Variants in ADAMTS18 observed in about 807,000 individuals in gnomAD.
ADAMTS18 encodes the protein A disintegrin and metalloproteinase with thrombospondin motifs 18.
ADAMTS18 carries 157 observed loss-of-function variants against 165.9 expected under a neutral mutation model. The observed-to-expected ratio is 0.95, with a 90% confidence interval of 0.83 to 1.08. The LOEUF (loss-of-function observed/expected upper bound fraction) is 1.08, where lower values mean the gene tolerates loss of function less well. ADAMTS18 is among the 50% of genes least tolerant of loss of function. The pLI, the probability that ADAMTS18 is intolerant of heterozygous loss-of-function variation, is 0.00. For synonymous variants in ADAMTS18, 782 were observed against 578.2 expected (o/e 1.35, Z -5.06); for missense variants, 2,040 against 1,534.0 (o/e 1.33, Z -5.51).
intron 3 of ADAMTS18, among the ~76,000 whole-genome samples, chr16:77,378,364 A>C (rs76150124): frequency 0.091 from 13,404 of 147,918 alleles, 783 homozygotes; most frequent in East Asian, 0.25. Context: ...AAAAAAAAAA[A>C]CCAAGCCCTT....
intron 19 of ADAMTS18, 120 bp from the exon 20 acceptor site, chr16:77,293,378 G>C: frequency 1.1e-6 from 1 of 901,224 alleles, no homozygotes; most frequent in South Asian, 1.5e-5. Flanking sequence ...ATGAACTAAA[G>C]CTCTTTTTAC....
chr16:77,322,281 G>A lies in ADAMTS18; in HGVS notation c.2163+55C>T, dbSNP rs1455438218. On this transcript the variant is annotated intron_variant, in intron 14 of 22. Coordinates refer to ENST00000282849, the MANE Select transcript of ADAMTS18 (RefSeq NM_199355.4). ...TCACACCACTGTTCACGGTACACAC[G>A]ATATGATAAAACACAAGCATGCTCA... 6.3e-6 allele frequency: 10 copies of A among 1,585,132 alleles called. No homozygotes were observed. In the East Asian group the frequency reaches 7.0e-5, roughly 11 times the overall value.
rs563242090 is a variant in ADAMTS18, at chr16:77,283,653, C to A, written c.*303G>T. 5.3e-5 allele frequency: 18 copies of A among 341,824 alleles called. No homozygotes were observed. Among genetic ancestry groups the A allele is most frequent in the Middle Eastern group, 9.3e-4 (1 of 1,076 alleles). 21.2% of individuals were successfully genotyped at this position (341,824 alleles called of 1,614,324 possible). ...TGAAGTTCAAAAGGGGGTCTCTCCC[C>A]AAATCGACGTATCTCAGTGTGATTC... On this transcript the variant is annotated 3_prime_UTR_variant, in exon 23 of 23. Coordinates refer to ENST00000282849, the MANE Select transcript of ADAMTS18 (RefSeq NM_199355.4).
At chr16:77,296,646 C>T (rs1375077549) in intron 18 of ADAMTS18, among the ~76,000 whole-genome samples, 1 of 152,216 alleles carries the variant, frequency 6.6e-6, no homozygotes, top group Non-Finnish European at 1.5e-5. Flanking sequence ...ATGGCAAAAC[C>T]CCGTCTCTAC....
intron 3 of ADAMTS18, among the ~76,000 whole-genome samples, chr16:77,429,212 G>A (rs150430214): frequency 3.2e-3 from 480 of 152,286 alleles, no homozygotes; most frequent in African/African-American, 0.011. Context: ...CAGAGTGGAT[G>A]AAGAAAATGT....
chr16:77,323,193 A>G (rs780338328), intron 13 of ADAMTS18, among the ~76,000 whole-genome samples: 15 of 152,162 alleles, frequency 9.9e-5, no homozygotes, highest in Non-Finnish European at 1.6e-4. Flanking sequence ...TCTCAAATAG[A>G]AAGAGCTCTT....
intron 3 of ADAMTS18, among the ~76,000 whole-genome samples, chr16:77,401,792 G>C (rs986044912): frequency 3.3e-5 from 5 of 152,098 alleles, no homozygotes; most frequent in African/African-American, 1.2e-4. Flanking sequence ...GAAGAGGAAG[G>C]ATGAATTTGA....
rs150089180 is a variant in ADAMTS18 at position 77,295,255 on chromosome 16, T to C, written c.2802-128A>G. ...ATTTCAGAACCAATAAGATAAGTTATTCTAATTGTTCTTTGAGGGATCCAG... is the reference window on the plus strand; with the variant it reads ...ATTTCAGAACCAATAAGATAAGTTACTCTAATTGTTCTTTGAGGGATCCAG... On this transcript the variant is annotated intron_variant, in intron 18 of 22. Transcript: ENST00000282849. 7.2e-3 allele frequency: 6,703 copies of C among 935,234 alleles called. 45 individuals carry two copies. The highest frequency in any genetic ancestry group is 0.01 in the Non-Finnish European group (6,199 of 596,258). The allele number at this position is 935,234 out of a possible 1,614,324, so 57.9% of individuals were successfully genotyped here.
At chr16:77,334,799 ATACTATAG>A (rs2056275759) in intron 12 of ADAMTS18, among the ~76,000 whole-genome samples, 2 of 122,776 alleles carry the variant, frequency 1.6e-5, no homozygotes, top group Admixed American at 1.8e-4. Flanking sequence ...AATATACTAT[ATACTATAG>A]TATACAGTAT....
rs573986809 is a variant in ADAMTS18, at chr16:77,416,338, T to C, written c.495+14957A>G. Among the ~76,000 whole-genome samples, 27 of 152,172 alleles carry C rather than the reference T, an allele frequency of 1.8e-4. No individual in the cohort carries two copies. The East Asian group carries it at 4.3e-3, about 24-fold the overall frequency. ...ATCCAAGGGACTTTGTAGGCCATGG[T>C]AAGAAATCTGGATTATATACTGATA... On this transcript the variant is annotated intron_variant, in intron 3 of 22. Transcript: ENST00000282849.
At chr16:77,359,192 C>T (rs543142071) in intron 8 of ADAMTS18, 126 bp downstream of exon 8, 2 of 862,344 alleles carry the variant, frequency 2.3e-6, no homozygotes, top group Non-Finnish European at 3.8e-6. Context: ...TAGTCAGAAA[C>T]TATTCTAAGC....
chr16:77,304,617 C>T (rs905882394), intron 16 of ADAMTS18, among the ~76,000 whole-genome samples: 13 of 152,108 alleles, frequency 8.5e-5, no homozygotes, highest in African/African-American at 2.9e-4. Flanking sequence ...AAAGGTAAGA[C>T]CAGCAATGAT....
At chr16:77,284,597 T>C (rs2055212601) in intron 22 of ADAMTS18, among the ~76,000 whole-genome samples, 1 of 152,142 alleles carries the variant, frequency 6.6e-6, no homozygotes, top group Non-Finnish European at 1.5e-5. Context: ...AGGATTTAGA[T>C]GCCAAGAAAA....
intron 3 of ADAMTS18, among the ~76,000 whole-genome samples, chr16:77,384,745 A>G (rs938877069): frequency 1.3e-5 from 2 of 152,172 alleles, no homozygotes; most frequent in Non-Finnish European, 2.9e-5. Context: ...AATTTAGACA[A>G]GAAGAGAAAC....
At chr16:77,382,102 T>G (rs2057039403) in intron 3 of ADAMTS18, among the ~76,000 whole-genome samples, 1 of 152,218 alleles carries the variant, frequency 6.6e-6, no homozygotes, top group Non-Finnish European at 1.5e-5. Flanking sequence ...CCAGAGATAC[T>G]CCACATATAT....
intron 4 of ADAMTS18, 26 bp downstream of exon 4, chr16:77,367,414 AG>A: frequency 6.2e-7 from 1 of 1,613,746 alleles, no homozygotes; most frequent in Non-Finnish European, 8.5e-7. Flanking sequence ...ACATAAGAAC[AG>A]AAAAAGAAAA....
At chr16:77,355,202 TTGTGTG>T (rs141620918) in intron 9 of ADAMTS18, among the ~76,000 whole-genome samples, 5 of 146,598 alleles carry the variant, frequency 3.4e-5, no homozygotes, top group Admixed American at 6.9e-5. Context: ...AAAGGTAGGA[TTGTGTG>T]TGTGTGTGTG....
chr16:77,372,561 G>T (rs757609686), intron 3 of ADAMTS18, among the ~76,000 whole-genome samples: 54 of 152,198 alleles, frequency 3.5e-4, no homozygotes, highest in Admixed American at 2.5e-3. Flanking sequence ...GGGCACCTGA[G>T]TCCTGGTCCT....
chr16:77,364,370 G>A lies in ADAMTS18; in HGVS notation c.790C>T (p.Pro264Ser). The A allele has an allele frequency of 2.5e-6, 4 of 1,613,654 alleles. No individual in the cohort carries two copies. The highest frequency in any genetic ancestry group is 3.4e-6 in the Non-Finnish European group (4 of 1,179,936). ...CTTAGATAGGTGTCCTCTGTGGGAG[G>A]CTTGGGAGCATCTACGATGAACAGA... ...CGRRKKYAPK[P>S]PTEDTYLRFD... Residue 264 changes from proline to serine, a missense_variant, in exon 5 of 23, where the codon CCT (proline) becomes TCT (serine). By Grantham distance (74) the Pro-to-Ser change is moderately conservative. Coordinates refer to ENST00000282849, the MANE Select transcript of ADAMTS18 (RefSeq NM_199355.4).
Sources: allele counts gnomAD v4.1 joint callset (sites outside exome capture counted in the v4.1 genomes callset), GRCh38; gene constraint gnomAD v4.1.1; transcripts MANE v1.5; gene names NCBI Gene and HGNC (gene_info 2026-07-23, HGNC 2026-07-21).